Variants in EVL observed in about 807,000 individuals in gnomAD.
EVL encodes the protein Enah/Vasp-like.
A neutral mutation model predicts 59.6 loss-of-function variants in EVL; 21 were observed. The ratio of observed to expected loss-of-function variants is 0.35; its 90% confidence interval spans 0.25 to 0.51. The LOEUF is 0.51. EVL is among the 20% of genes least tolerant of loss of function. The pLI is 0.97. For synonymous variants in EVL, 198 were observed against 203.5 expected, an observed-to-expected ratio of 0.97 and a Z score of 0.23; for missense variants, 462 against 546.6, an observed-to-expected ratio of 0.85 and a Z score of 1.54.
chr14:100,074,171 C>A (rs1176074033), intron 1 of EVL, among the ~76,000 whole-genome samples: 1 of 152,166 alleles, frequency 6.6e-6, no homozygotes, highest in East Asian at 1.9e-4. Flanking sequence ...GACCCGACAG[C>A]CTGCTCCCAC....
At chr14:100,033,621 A>T (rs534118176) in intron 1 of EVL, among the ~76,000 whole-genome samples, 43 of 152,360 alleles carry the variant, frequency 2.8e-4, no homozygotes, top group Non-Finnish European at 4.6e-4. Flanking sequence ...TTATTGAATA[A>T]GTGGCTCTCT....
chr14:100,136,184 C>A (rs914020496), intron 9 of EVL, among the ~76,000 whole-genome samples: 1 of 152,250 alleles, frequency 6.6e-6, no homozygotes, highest in East Asian at 1.9e-4. Flanking sequence ...TGTGATGGGT[C>A]CCCAGGGTGA....
chr14:100,018,999 AC>A (rs1474332882), intron 1 of EVL, among the ~76,000 whole-genome samples: 1 of 152,226 alleles, frequency 6.6e-6, no homozygotes, highest in Non-Finnish European at 1.5e-5. Flanking sequence ...AAATGAGATC[AC>A]TAATAAGGAG....
intron 1 of EVL, among the ~76,000 whole-genome samples, chr14:100,005,389 G>A (rs1403909265): frequency 6.6e-6 from 1 of 152,046 alleles, no homozygotes; most frequent in Admixed American, 6.6e-5. Flanking sequence ...TACAAGCAAA[G>A]ATCATTCTGT....
intron 1 of EVL, among the ~76,000 whole-genome samples, chr14:99,987,908 T>G (rs960845958): frequency 1.6e-5 from 2 of 124,674 alleles, no homozygotes; most frequent in Non-Finnish European, 3.4e-5. Flanking sequence ...CAACCCAATT[T>G]TTTTTTTTTT....
intron 1 of EVL, among the ~76,000 whole-genome samples, chr14:100,009,497 C>T (rs970424755): frequency 6.6e-6 from 1 of 152,192 alleles, no homozygotes; most frequent in Non-Finnish European, 1.5e-5. Context: ...CCTTTGGAAT[C>T]CATTCATTCT....
intron 3 of EVL, chr14:100,107,309 G>C: frequency 5.0e-6 from 2 of 398,678 alleles, no homozygotes; most frequent in Non-Finnish European, 8.8e-6. Flanking sequence ...CATAGTGGGA[G>C]TGAATTTTAA....
chr14:100,038,637 A>G (rs914136437), intron 1 of EVL, among the ~76,000 whole-genome samples: 4 of 152,204 alleles, frequency 2.6e-5, no homozygotes, highest in African/African-American at 9.7e-5. Flanking sequence ...AACTGCTCAT[A>G]ATAAAAAGCT....
chr14:100,016,144 G>A (rs888905313), intron 1 of EVL, among the ~76,000 whole-genome samples: 1 of 151,904 alleles, frequency 6.6e-6, no homozygotes, highest in Admixed American at 6.6e-5. Context: ...ATTCTTTCAT[G>A]GTACAAAGGG....
At chr14:100,133,634 T>C (rs776789978) in intron 8 of EVL, among the ~76,000 whole-genome samples, 1 of 152,140 alleles carries the variant, frequency 6.6e-6, no homozygotes, top group Admixed American at 6.5e-5. Flanking sequence ...GCATCACCCT[T>C]ACACCTTAAA....
In EVL at chr14:100,105,006, G is replaced by A. The variant is rs183657333; in HGVS notation, c.358+7348G>A. Among the ~76,000 whole-genome samples the A allele has an allele frequency of 6.5e-4, 98 of 149,650 alleles. 2 individuals are homozygous for A. Among genetic ancestry groups the A allele is most frequent in the African/African-American group, 2.2e-3 (91 of 40,644 alleles). ...CTCACAGAGGGCTTTGTAGAGCCAC[G>A]GGGCCCCAGGGTCAGACCTTGTGCC... On this transcript the variant is annotated intron_variant, in intron 3 of 13. Coordinates refer to ENST00000392920, the MANE Select transcript of EVL (RefSeq NM_016337.3).
chr14:100,047,790 G>T (rs746206742), intron 1 of EVL, among the ~76,000 whole-genome samples: 5 of 152,152 alleles, frequency 3.3e-5, no homozygotes, highest in Non-Finnish European at 5.9e-5. Context: ...GCTTGGACAC[G>T]TGGGTAGAAA....
At chr14:100,126,314 T>C (rs1888065624) in intron 4 of EVL, among the ~76,000 whole-genome samples, 1 of 152,218 alleles carries the variant, frequency 6.6e-6, no homozygotes, top group African/African-American at 2.4e-5. Flanking sequence ...ACCTGAGAAC[T>C]GTCCCAGGAA....
At position 100,026,611 on chromosome 14, in the gene EVL, C is replaced by G. The variant is rs1002987425; in HGVS notation, c.5+54554C>G. Among the ~76,000 whole-genome samples, 9 of 152,230 alleles carry G rather than the reference C, an allele frequency of 5.9e-5. No individual in the cohort carries two copies. The South Asian group carries it at 1.9e-3, about 32-fold the overall frequency. On this transcript the variant is annotated intron_variant, in intron 1 of 13. Transcript: ENST00000402714. ...GGGGTAGAATGACCTACCCTCCTCC[C>G]AGTTCCCACGGCTCTTCCATCCCAT...
At chr14:100,106,592 A>T (rs960846262) in intron 3 of EVL, 8 of 358,684 alleles carry the variant, frequency 2.2e-5, no homozygotes, top group Non-Finnish European at 3.5e-5. Flanking sequence ...TTTGCAGTAC[A>T]TGTAAGGCAT....
chr14:99,992,937 AT>A (rs1352260840), intron 1 of EVL, among the ~76,000 whole-genome samples: 4 of 150,350 alleles, frequency 2.7e-5, no homozygotes, highest in East Asian at 3.9e-4. Context: ...TGTCATATGC[AT>A]TTTTTTGTAT....
rs570825345 is a variant in EVL, at chr14:100,126,401, C to T, written c.423-306C>T. 1.8e-3 allele frequency among the ~76,000 whole-genome samples: 274 copies of T among 152,288 alleles called. 3 individuals carry two copies. Among genetic ancestry groups the T allele is most frequent in the Non-Finnish European group, 2.6e-3 (175 of 68,018 alleles). On this transcript the variant is annotated intron_variant, in intron 4 of 13. Transcript: ENST00000392920. The stretch of plus-strand genomic sequence containing the variant: ...GCCACAGGCTCCCAAAAGCCAGGTG[C>T]GCCCATCTAGCCCAGGGAAGAGCTT...
At chr14:100,032,284 A>C (rs1307522085) in intron 1 of EVL, among the ~76,000 whole-genome samples, 1 of 152,208 alleles carries the variant, frequency 6.6e-6, no homozygotes, top group African/African-American at 2.4e-5. Flanking sequence ...GAGTGAAGGA[A>C]TAGAGATTCC....
At position 100,110,038 on chromosome 14, in the gene EVL, A is replaced by G. The variant is rs78249908; in HGVS notation, c.358+12380A>G. 1.2e-4 allele frequency among the ~76,000 whole-genome samples: 18 copies of G among 152,344 alleles called. No homozygotes were observed. The East Asian group carries it at 2.1e-3, about 18-fold the overall frequency. On this transcript the variant is annotated intron_variant, in intron 3 of 13. Coordinates refer to ENST00000392920, the MANE Select transcript of EVL (RefSeq NM_016337.3). Reference sequence around the variant, plus strand: ...CATTCTTTGTCACCTCTAAATTACTATAACAGTTTGAAGTTACTCTTTTTA... The same window carrying G: ...CATTCTTTGTCACCTCTAAATTACTGTAACAGTTTGAAGTTACTCTTTTTA...
Sources: allele counts gnomAD v4.1 joint callset (sites outside exome capture counted in the v4.1 genomes callset), GRCh38; gene constraint gnomAD v4.1.1; transcripts MANE v1.5; gene names NCBI Gene and HGNC (gene_info 2026-07-23, HGNC 2026-07-21).